The following GRM5 variants were observed in gnomAD, a reference collection of about 807,000 sequenced individuals.
GRM5 encodes the protein glutamate metabotropic receptor 5.
Under a neutral mutation model 83.1 loss-of-function variants are expected in GRM5, and 19 were observed. That is an observed-to-expected ratio of 0.23 (90% CI 0.16 to 0.34). The LOEUF is 0.34. Among genes scored for constraint, GRM5 ranks in the 10% least tolerant of loss-of-function variants. The pLI is 1.00. For synonymous variants in GRM5, 675 were observed against 633.6 expected, an observed-to-expected ratio of 1.07 and a Z score of -0.98; for missense variants, 1,160 against 1,588.3, an observed-to-expected ratio of 0.73 and a Z score of 4.58.
intron 9 of GRM5, among the ~76,000 whole-genome samples, chr11:88,520,723 A>G (rs1941656811): frequency 6.6e-6 from 1 of 152,184 alleles, no homozygotes; most frequent in South Asian, 2.1e-4. Context: ...AAATAATTGA[A>G]TGAATGAAAG....
At chr11:89,032,670 C>T (rs1042769137) in intron 2 of GRM5, among the ~76,000 whole-genome samples, 1 of 151,978 alleles carries the variant, frequency 6.6e-6, no homozygotes, top group Non-Finnish European at 1.5e-5. Flanking sequence ...GATAATCATC[C>T]CTTTTTTGAA....
intron 2 of GRM5, among the ~76,000 whole-genome samples, chr11:88,955,603 T>C (rs1938585419): frequency 6.6e-6 from 1 of 152,112 alleles, no homozygotes; most frequent in Non-Finnish European, 1.5e-5. Context: ...TTTCTTCACA[T>C]TTCATCTACA....
At chr11:88,563,881 A>G (rs4534589) in intron 8 of GRM5, among the ~76,000 whole-genome samples, 8,208 of 152,258 alleles carry the variant, frequency 0.054, 705 homozygotes, top group African/African-American at 0.18. Flanking sequence ...GCTATATCCT[A>G]TAGTGTAATA....
intron 2 of GRM5, among the ~76,000 whole-genome samples, chr11:89,025,999 G>C (rs1941122380): frequency 6.6e-6 from 1 of 152,232 alleles, no homozygotes; most frequent in Non-Finnish European, 1.5e-5. Flanking sequence ...ATACTACACA[G>C]CCATAAAAAA....
chr11:88,627,915 G>C (rs1482315188), intron 4 of GRM5, among the ~76,000 whole-genome samples: 2 of 152,102 alleles, frequency 1.3e-5, no homozygotes, highest in Non-Finnish European at 2.9e-5. Flanking sequence ...TTAAGATATA[G>C]AAGAAAATTC....
chr11:88,905,610 G>A (rs1319704384), intron 2 of GRM5, among the ~76,000 whole-genome samples: 1 of 152,078 alleles, frequency 6.6e-6, no homozygotes, highest in Non-Finnish European at 1.5e-5. Context: ...CCAAAGTGTT[G>A]GGATTACATG....
intron 8 of GRM5, among the ~76,000 whole-genome samples, chr11:88,545,873 C>T (rs1219253966): frequency 6.6e-6 from 1 of 152,068 alleles, no homozygotes; most frequent in Non-Finnish European, 1.5e-5. Flanking sequence ...CTATCACATT[C>T]AGGACAATAT....
intron 8 of GRM5, among the ~76,000 whole-genome samples, chr11:88,534,867 T>A (rs1942098838): frequency 6.6e-6 from 1 of 152,196 alleles, no homozygotes; most frequent in African/African-American, 2.4e-5. Flanking sequence ...GTTTCCCCTA[T>A]ACTGTTCTCA....
At chr11:88,799,500 A>C (rs993553096) in intron 3 of GRM5, among the ~76,000 whole-genome samples, 1 of 152,116 alleles carries the variant, frequency 6.6e-6, no homozygotes, top group Non-Finnish European at 1.5e-5. Context: ...CATATGAACA[A>C]ATTATGTTTT....
rs1555001336 is a variant in GRM5, at chr11:88,720,813, T to TGTGTGC, written c.912-67411_912-67410insGCACAC. 3.7e-3 allele frequency among the ~76,000 whole-genome samples: 495 copies of TGTGTGC among 135,594 alleles called. 6 individuals carry two copies. The highest frequency in any genetic ancestry group is 0.025 in the Admixed American group (352 of 13,880). The allele number at this position is 135,594 out of a possible 152,430, so 89.0% of individuals were successfully genotyped here. Reference sequence around the variant, plus strand: ...TCATTACTCTGTGTGTGTGTGTGTGTGTGTGTGCGTGTGTGTGTGTGTGTG... The same window carrying TGTGTGC: ...TCATTACTCTGTGTGTGTGTGTGTGTGTGTGCGTGTGTGCGTGTGTGTGTGTGTGTG... On this transcript the variant is annotated intron_variant, in intron 3 of 9. Transcript: ENST00000305447.
At chr11:88,895,224 G>A (rs976031607) in intron 2 of GRM5, among the ~76,000 whole-genome samples, 2 of 151,904 alleles carry the variant, frequency 1.3e-5, no homozygotes, top group Non-Finnish European at 2.9e-5. Context: ...TGTTTTGGAT[G>A]GGGGAAAGTG....
rs373804131 is a variant in GRM5, at chr11:88,653,316, A to G, written c.999T>C (p.Asp333=). ...GGITIKLQSP[D]VKWFDDYYLK... ...GATAATAATCATCAAACCACTTGAC[A>G]TCGGGAGATTGGAGCTTGATTGTGA... The change falls in exon 4 of 10, where the codon GAT becomes GAC. Residue 333 remains aspartate, a synonymous_variant. Transcript: ENST00000305447. 19 of 1,612,916 alleles carry G rather than the reference A, an allele frequency of 1.2e-5. No homozygotes were observed. Among genetic ancestry groups the G allele is most frequent in the Admixed American group, 1.7e-5 (1 of 59,878 alleles).
rs1941460785 is a variant in GRM5, at chr11:88,718,830, T to C, written c.912-65427A>G. ...GGCTTAACTCATAGTATATATTGGC[T>C]AACAACTGAACATGCACGTGGAATC... On this transcript the variant is annotated intron_variant, in intron 3 of 9. Coordinates refer to ENST00000305447, the MANE Select transcript of GRM5 (RefSeq NM_001143831.3). Among the ~76,000 whole-genome samples, 3 of 152,008 alleles carry C rather than the reference T, an allele frequency of 2.0e-5. No homozygotes were observed. The South Asian group carries it at 6.2e-4, about 31-fold the overall frequency.
intron 3 of GRM5, among the ~76,000 whole-genome samples, chr11:88,770,470 T>A (rs1264039957): frequency 6.6e-6 from 1 of 152,174 alleles, no homozygotes; most frequent in Non-Finnish European, 1.5e-5. Flanking sequence ...TTGTACTATA[T>A]GCTCAATTTT....
At chr11:89,017,678 C>G (rs1940892234) in intron 2 of GRM5, among the ~76,000 whole-genome samples, 1 of 152,184 alleles carries the variant, frequency 6.6e-6, no homozygotes, top group Non-Finnish European at 1.5e-5. Flanking sequence ...TATCTGATTC[C>G]AAGCTTGAAC....
intron 2 of GRM5, among the ~76,000 whole-genome samples, chr11:88,872,928 T>G (rs1367108624): frequency 1.8e-5 from 2 of 108,832 alleles, no homozygotes; most frequent in East Asian, 5.3e-4. Flanking sequence ...CTGAATGAAT[T>G]AAAAAAAAAA....
chr11:88,918,704 G>C (rs1459039256), intron 2 of GRM5, among the ~76,000 whole-genome samples: 1 of 151,992 alleles, frequency 6.6e-6, no homozygotes, highest in African/African-American at 2.4e-5. Flanking sequence ...GACATACATA[G>C]TATAAGAAGA....
At chr11:88,887,785 T>C (rs1431684892) in intron 2 of GRM5, among the ~76,000 whole-genome samples, 1 of 152,186 alleles carries the variant, frequency 6.6e-6, no homozygotes, top group Non-Finnish European at 1.5e-5. Flanking sequence ...GGACTCCTCT[T>C]AACCAGAGAC....
intron 3 of GRM5, among the ~76,000 whole-genome samples, chr11:88,808,620 C>T (rs116303539): frequency 0.01 from 1,561 of 151,962 alleles, 28 homozygotes; most frequent in African/African-American, 0.036. Flanking sequence ...AACATAGTGA[C>T]CATAACATAT....
Sources: gnomAD v4.1 joint callset for allele counts (sites outside exome capture counted in the v4.1 genomes callset) on GRCh38, gnomAD v4.1.1 for gene constraint, MANE v1.5 for transcripts, NCBI Gene and HGNC (gene_info 2026-07-23, HGNC 2026-07-21) for gene names.